The following CHGB variants were observed in gnomAD, a reference collection of about 807,000 sequenced individuals.
The protein encoded by CHGB is secretogranin-1.
Under a neutral mutation model 69.9 loss-of-function variants are expected in CHGB, and 46 were observed. The observed-to-expected ratio is 0.66, with a 90% confidence interval of 0.52 to 0.84. The LOEUF (loss-of-function observed/expected upper bound fraction) is 0.84, where lower values mean the gene tolerates loss of function less well. Among genes scored for constraint, CHGB ranks in the 40% least tolerant of loss-of-function variants. CHGB has a pLI of 0.00. For missense variants in CHGB, 796 were observed against 822.2 expected (o/e 0.97, Z 0.39); for synonymous variants, 312 against 298.2 (o/e 1.05, Z -0.48).
rs967735407 is a variant in CHGB at position 5,925,074 on chromosome 20, T to C, written c.*25T>C. The stretch of plus-strand genomic sequence containing the variant: ...ACTGTCATTGGAGCGGTGGGCACTG[T>C]TAAGAAGCAGCCATCACATGATCTG... On this transcript the variant is annotated 3_prime_UTR_variant, in exon 5 of 5. Coordinates refer to ENST00000378961, the MANE Select transcript of CHGB (RefSeq NM_001819.3). The C allele has an allele frequency of 2.6e-6, 4 of 1,525,538 alleles. No individual in the cohort carries two copies. In the African/African-American group the frequency reaches 5.5e-5, roughly 21 times the overall value. 94.5% of individuals were successfully genotyped at this position (1,525,538 alleles called of 1,614,324 possible). A position where few individuals can be genotyped will look rare whatever the true frequency, so the allele number is the denominator to read the frequency against.
In CHGB at chr20:5,922,466, G is replaced by A. The variant is rs758031352; in HGVS notation, c.322G>A (p.Gly108Arg). The A allele has an allele frequency of 6.2e-7, 1 of 1,613,680 alleles. No homozygotes were observed. The highest frequency in any genetic ancestry group is 1.3e-5 in the African/African-American group (1 of 74,922). Residue 108 changes from glycine (G) to arginine (R), a missense_variant, in exon 4 of 5, where the codon GGG (glycine) becomes AGG (arginine). Physicochemically the swap from Gly to Arg is moderately radical, Grantham distance 125. Coordinates refer to ENST00000378961, the MANE Select transcript of CHGB (RefSeq NM_001819.3). ...CAGCAGGGGAGAGGCAGGAGCCCCA[G>A]GGGAGGAGGACATCCAAGGCCCAAC... ...SSSRGEAGAP[G>R]EEDIQGPTKA...
chr20:5,921,993 G>A (rs1472730731), intron 3 of CHGB, among the ~76,000 whole-genome samples: 1 of 152,114 alleles, frequency 6.6e-6, no homozygotes, highest in Non-Finnish European at 1.5e-5. Flanking sequence ...GAAGAGGTTG[G>A]ACTGGATTAG....
intron 3 of CHGB, chr20:5,917,980 CAAAAAAAA>C (rs34483659): frequency 4.3e-4 from 49 of 114,306 alleles, no homozygotes; most frequent in African/African-American, 1.4e-3. Flanking sequence ...ACTAAAAATA[CAAAAAAAA>C]AAAAAAAAAA....
At chr20:5,917,153 A>C in intron 3 of CHGB, 1 of 536,130 alleles carries the variant, frequency 1.9e-6, no homozygotes, top group South Asian at 2.2e-5. Flanking sequence ...TTTTCCTCAA[A>C]GTAAAATGAA....
Position 5,922,636 on chromosome 20 carries a change from T to G in CHGB, c.492T>G (p.Asp164Glu), listed in dbSNP as rs1401324858. The G allele has an allele frequency of 1.7e-5, 28 of 1,612,532 alleles. No homozygotes were observed. Among genetic ancestry groups the G allele is most frequent in the Non-Finnish European group, 1.9e-5 (23 of 1,179,562 alleles). ...ATTCTGAGAAGAGCCAGAGAGAGGA[T>G]GAGGAGGAGGAGGAGGGAGAGAACT... ...TRHSEKSQREDEEEEEGENYQ... is the reference protein window; with the variant it reads ...TRHSEKSQREEEEEEEGENYQ... The change falls in exon 4 of 5, where the codon GAT (aspartate) becomes GAG (glutamate). Residue 164 changes from aspartate to glutamate, a missense_variant. Physicochemically the swap from Asp to Glu is conservative, Grantham distance 45. Around this residue, in one of 3 missense-constraint regions of CHGB, gnomAD observed 518 missense variants for 506.3 expected, o/e 1.02. Coordinates refer to ENST00000378961, the MANE Select transcript of CHGB (RefSeq NM_001819.3).
At chr20:5,913,297 T>C (rs2088456529) in intron 1 of CHGB, among the ~76,000 whole-genome samples, 1 of 152,212 alleles carries the variant, frequency 6.6e-6, no homozygotes, top group South Asian at 2.1e-4. Context: ...ATTACCACTA[T>C]CAAATTTCAG....
rs368430037 is a variant in CHGB at position 5,925,066 on chromosome 20, G to A, written c.*17G>A. 2.0e-5 allele frequency: 32 copies of A among 1,579,828 alleles called. No individual in the cohort carries two copies. The highest frequency in any genetic ancestry group is 2.7e-5 in the Non-Finnish European group (31 of 1,151,028). ...AGGGGCTGACTGTCATTGGAGCGGT[G>A]GGCACTGTTAAGAAGCAGCCATCAC... is the stretch of plus-strand genomic sequence containing the variant. On this transcript the variant is annotated 3_prime_UTR_variant, in exon 5 of 5. Transcript: ENST00000378961.
intron 1 of CHGB, among the ~76,000 whole-genome samples, chr20:5,913,232 C>T (rs777867955): frequency 3.3e-5 from 5 of 152,166 alleles, no homozygotes; most frequent in African/African-American, 9.7e-5. Flanking sequence ...ATATAATCCA[C>T]GCTTTTAAAT....
rs141825852 is a variant in CHGB at position 5,916,867 on chromosome 20, G to C, written c.138G>C (p.Ser46=). The change falls in exon 3 of 5, where the codon TCG becomes TCC. Residue 46 remains serine (S), a synonymous_variant. Transcript: ENST00000378961. ...CIIEVLSNAL[S]KSSAPPITPE... is the part of the protein sequence containing the mutation. ...TTGAGGTCCTCTCAAATGCCTTGTC[G>C]AAGTCCAGCGCTCCACCCATCACCC... is the stretch of plus-strand genomic sequence containing the variant. The C allele has an allele frequency of 6.2e-7, 1 of 1,614,122 alleles. No individual in the cohort carries two copies. The highest frequency in any genetic ancestry group is 1.1e-5 in the South Asian group (1 of 91,086).
At position 5,918,148 on chromosome 20, in the gene CHGB, TAAAAA is replaced by T. The variant is rs10647882; in HGVS notation, c.190+1248_190+1252del. 3.6e-4 allele frequency among the ~76,000 whole-genome samples: 31 copies of T among 86,072 alleles called. No individual in the cohort carries two copies. The Middle Eastern group carries it at 0.025, about 71-fold the overall frequency. 56.5% of individuals were successfully genotyped at this position (86,072 alleles called of 152,430 possible). On this transcript the variant is annotated intron_variant, in intron 3 of 4. Coordinates refer to ENST00000378961, the MANE Select transcript of CHGB (RefSeq NM_001819.3). ...TGGGCAACAAGAGTAAGACTCCATC[TAAAAA>T]AAAAAAAAAAAAAAAAAACTCTCAT...
At chr20:5,922,020 T>C (rs1344029051) in intron 3 of CHGB, among the ~76,000 whole-genome samples, 1 of 152,204 alleles carries the variant, frequency 6.6e-6, no homozygotes, top group Non-Finnish European at 1.5e-5. Context: ...TCTAAGATGT[T>C]TCCTGCCTCT....
intron 3 of CHGB, among the ~76,000 whole-genome samples, chr20:5,920,966 C>T (rs1178281865): frequency 2.0e-5 from 3 of 152,098 alleles, no homozygotes; most frequent in African/African-American, 7.2e-5. Context: ...TTCCATTTTG[C>T]AAATATCATT....
intron 1 of CHGB, among the ~76,000 whole-genome samples, chr20:5,912,873 C>T (rs1451474047): frequency 6.6e-6 from 1 of 151,828 alleles, no homozygotes; most frequent in African/African-American, 2.4e-5. Context: ...AAGGTAGAAA[C>T]AAAATGAAAG....
chr20:5,923,226 G>T lies in CHGB; in HGVS notation c.1082G>T (p.Arg361Leu), dbSNP rs201387389. 5.0e-6 allele frequency: 8 copies of T among 1,613,670 alleles called. No individual in the cohort carries two copies. Among genetic ancestry groups the T allele is most frequent in the Admixed American group, 1.7e-5 (1 of 59,986 alleles). ...VQAPEDLEWE[R>L]YRGRGSEEYR... The stretch of plus-strand genomic sequence containing the variant: ...GCCCCTGAGGACCTGGAGTGGGAGC[G>T]CTATAGGGGCAGAGGAAGTGAAGAA... The change falls in exon 4 of 5, where the codon CGC becomes CTC. Residue 361 changes from arginine to leucine, a missense_variant. By Grantham distance (102) the Arg-to-Leu change is moderately radical. Transcript: ENST00000378961.
At chr20:5,916,082 C>T (rs1383587947) in intron 1 of CHGB, 82 of 530,598 alleles carry the variant, frequency 1.5e-4, no homozygotes, top group East Asian at 1.3e-4. Flanking sequence ...CAGCTTAATA[C>T]GCACACCTGT....
rs1369890827 is a variant in CHGB at position 5,923,215 on chromosome 20, G to A, written c.1071G>A (p.Leu357=). The change falls in exon 4 of 5, where the codon CTG becomes CTA. Residue 357 remains leucine (L), a synonymous_variant. Transcript: ENST00000378961. ...CAGGCGTCCAGGCCCCTGAGGACCT[G>A]GAGTGGGAGCGCTATAGGGGCAGAG... ...GYPGVQAPED[L]EWERYRGRGS... is the part of the protein sequence containing the mutation. The A allele has an allele frequency of 6.2e-7, 1 of 1,613,892 alleles. No individual in the cohort carries two copies. The highest frequency in any genetic ancestry group is 1.1e-5 in the South Asian group (1 of 91,072).
At chr20:5,912,141 G>A (rs915412771) in intron 1 of CHGB, among the ~76,000 whole-genome samples, 4 of 151,884 alleles carry the variant, frequency 2.6e-5, no homozygotes, top group African/African-American at 9.7e-5. Flanking sequence ...CCTTATTATT[G>A]TTATTGTCAT....
chr20:5,914,965 G>T (rs952729412), intron 1 of CHGB, among the ~76,000 whole-genome samples: 1 of 152,210 alleles, frequency 6.6e-6, no homozygotes, highest in African/African-American at 2.4e-5. Context: ...TTAGAGCAAA[G>T]CATTTTGCAA....
At chr20:5,913,834 G>A (rs969989737) in intron 1 of CHGB, among the ~76,000 whole-genome samples, 2 of 151,844 alleles carry the variant, frequency 1.3e-5, no homozygotes, top group African/African-American at 4.8e-5. Context: ...GTTTCACTAT[G>A]TTGGCCAGGC....
Sources: gnomAD v4.1 joint callset for allele counts (sites outside exome capture counted in the v4.1 genomes callset) on GRCh38, gnomAD v4.1.1 for gene constraint, gnomAD v4.1.1 regional missense constraint, MANE v1.5 for transcripts, NCBI Gene and HGNC (gene_info 2026-07-23, HGNC 2026-07-21) for gene names.